The following GRM7 variants were observed in gnomAD, a reference collection of about 807,000 sequenced individuals.
The protein encoded by GRM7 is metabotropic glutamate receptor 7.
In GRM7, 35 loss-of-function variants were observed where a neutral mutation model predicts 84.5. The ratio of observed to expected loss-of-function variants is 0.41; its 90% CI spans 0.32 to 0.55. The LOEUF is 0.55. Among genes scored for constraint, GRM7 ranks in the 20% least tolerant of loss-of-function variants. The probability of loss-of-function intolerance (pLI) is 0.19; values close to 1 mark genes in which losing one functional copy is unlikely to be tolerated. For synonymous variants in GRM7, 487 were observed against 455.1 expected, an observed-to-expected ratio of 1.07 and a Z score of -0.89; for missense variants, 1,003 against 1,194.6, an observed-to-expected ratio of 0.84 and a Z score of 2.36.
intron 4 of GRM7, among the ~76,000 whole-genome samples, chr3:7,373,117 T>G (rs1694208221): frequency 6.6e-6 from 1 of 152,158 alleles, no homozygotes; most frequent in Non-Finnish European, 1.5e-5. Flanking sequence ...CAGTATGAAG[T>G]TACACAGTTC....
chr3:6,947,932 G>C (rs1403178986), intron 1 of GRM7, among the ~76,000 whole-genome samples: 1 of 152,042 alleles, frequency 6.6e-6, no homozygotes, highest in Non-Finnish European at 1.5e-5. Flanking sequence ...GCATCGATTT[G>C]ATTCTTCTCT....
chr3:7,134,994 G>C (rs958790361), intron 1 of GRM7, among the ~76,000 whole-genome samples: 5 of 152,164 alleles, frequency 3.3e-5, no homozygotes, highest in African/African-American at 1.2e-4. Context: ...CTCACAGAAT[G>C]CTGAAGGTGT....
chr3:7,213,141 C>A (rs1696485968), intron 2 of GRM7, among the ~76,000 whole-genome samples: 2 of 152,190 alleles, frequency 1.3e-5, no homozygotes, highest in South Asian at 4.1e-4. Flanking sequence ...CTCAAGGCAA[C>A]AGAGACTGTA....
intron 4 of GRM7, among the ~76,000 whole-genome samples, chr3:7,396,366 C>T (rs1695212679): frequency 6.6e-6 from 1 of 152,112 alleles, no homozygotes; most frequent in Admixed American, 6.6e-5. Flanking sequence ...CTTTAACTCC[C>T]TTCCTATTTT....
chr3:7,109,494 G>C (rs917549589), intron 1 of GRM7, among the ~76,000 whole-genome samples: 68 of 152,064 alleles, frequency 4.5e-4, no homozygotes, highest in African/African-American at 1.6e-3. Flanking sequence ...GCTATTTTGT[G>C]CTAAGACATG....
intron 1 of GRM7, among the ~76,000 whole-genome samples, chr3:7,081,412 C>A (rs140565226): frequency 2.0e-5 from 3 of 152,000 alleles, no homozygotes; most frequent in African/African-American, 4.8e-5. Context: ...AAACAGTCTC[C>A]GTGTAAGACA....
intron 4 of GRM7, among the ~76,000 whole-genome samples, chr3:7,355,909 G>A (rs1027436991): frequency 6.6e-6 from 1 of 151,956 alleles, no homozygotes; most frequent in Non-Finnish European, 1.5e-5. Context: ...GGGAAGACTC[G>A]GTTTCTTGTT....
intron 2 of GRM7, among the ~76,000 whole-genome samples, chr3:7,267,120 G>A (rs1698670979): frequency 6.6e-6 from 1 of 152,044 alleles, no homozygotes; most frequent in South Asian, 2.1e-4. Flanking sequence ...ATTTTTTTGA[G>A]TCAAAAACAC....
At chr3:7,193,770 A>G (rs1368204091) in intron 2 of GRM7, among the ~76,000 whole-genome samples, 2 of 152,036 alleles carry the variant, frequency 1.3e-5, no homozygotes, top group Non-Finnish European at 2.9e-5. Flanking sequence ...TTTCAGAAGG[A>G]CTTTAAAATA....
At chr3:7,411,894 G>T (rs868596388) in intron 4 of GRM7, among the ~76,000 whole-genome samples, 24 of 152,044 alleles carry the variant, frequency 1.6e-4, no homozygotes, top group Middle Eastern at 6.8e-3. Context: ...TAAAATTTTT[G>T]TACTTATTTG....
intron 8 of GRM7, among the ~76,000 whole-genome samples, chr3:7,584,691 T>C (rs1329056412): frequency 3.3e-5 from 5 of 152,204 alleles, no homozygotes; most frequent in African/African-American, 9.6e-5. Flanking sequence ...AAGATGGCAC[T>C]GGTTTGAAGA....
intron 8 of GRM7, among the ~76,000 whole-genome samples, chr3:7,655,753 G>C (rs1192876067): frequency 6.6e-6 from 1 of 152,114 alleles, no homozygotes; most frequent in Non-Finnish European, 1.5e-5. Flanking sequence ...ATGATCTTCT[G>C]CTTCCCCAGA....
intron 6 of GRM7, among the ~76,000 whole-genome samples, chr3:7,459,900 C>T (rs1202315856): frequency 3.3e-5 from 5 of 151,774 alleles, no homozygotes; most frequent in Middle Eastern, 3.2e-3. Flanking sequence ...GTAAGCCACT[C>T]AAGTGGTTCA....
chr3:7,205,221 G>A (rs926721061), intron 2 of GRM7, among the ~76,000 whole-genome samples: 14 of 152,160 alleles, frequency 9.2e-5, no homozygotes, highest in African/African-American at 3.1e-4. Flanking sequence ...GGGTAAATTG[G>A]TCTTGGCTTT....
intron 1 of GRM7, among the ~76,000 whole-genome samples, chr3:7,141,933 T>C (rs148023490): frequency 5.1e-4 from 78 of 152,224 alleles, no homozygotes; most frequent in African/African-American, 1.8e-3. Context: ...GTAATTTCCA[T>C]GTAGGGAAAG....
At chr3:7,177,358 T>A (rs778802063) in intron 2 of GRM7, among the ~76,000 whole-genome samples, 49 of 152,228 alleles carry the variant, frequency 3.2e-4, no homozygotes, top group Admixed American at 1.1e-3. Flanking sequence ...CTACCTAACA[T>A]GAGCTCTTTG....
chr3:6,904,486 A>G (rs1696497912), intron 1 of GRM7, among the ~76,000 whole-genome samples: 1 of 152,160 alleles, frequency 6.6e-6, no homozygotes, highest in South Asian at 2.1e-4. Context: ...AAGCTATATA[A>G]GACAGTGCAA....
At chr3:7,288,970 A>G (rs917406600) in intron 2 of GRM7, among the ~76,000 whole-genome samples, 10 of 152,204 alleles carry the variant, frequency 6.6e-5, no homozygotes, top group Admixed American at 2.0e-4. Flanking sequence ...CTTAAAATGA[A>G]TGATAAAAAT....
intron 4 of GRM7, among the ~76,000 whole-genome samples, chr3:7,399,653 G>C (rs1416494450): frequency 1.3e-5 from 2 of 152,152 alleles, no homozygotes. Flanking sequence ...TCCCTCATGA[G>C]TGGCTAGGTG....
Sources: gnomAD v4.1 joint callset for allele counts (sites outside exome capture counted in the v4.1 genomes callset) on GRCh38, gnomAD v4.1.1 for gene constraint, MANE v1.5 for transcripts, NCBI Gene and HGNC (gene_info 2026-07-23, HGNC 2026-07-21) for gene names.